Variants in STK3 observed in about 807,000 individuals in gnomAD.
STK3 encodes serine/threonine-protein kinase 3.
In STK3, 41 loss-of-function variants were observed where a neutral mutation model predicts 58.0. The ratio of observed to expected loss-of-function variants is 0.71; its 90% CI spans 0.55 to 0.92. The LOEUF (loss-of-function observed/expected upper bound fraction) is 0.92. Among genes scored for constraint, STK3 ranks in the 40% least tolerant of loss-of-function variants. The pLI is 0.00. For missense variants in STK3, 479 were observed against 602.7 expected (o/e 0.79, Z 2.15); for synonymous variants, 170 against 191.0 (o/e 0.89, Z 0.91).
At chr8:98,669,654 C>CA (rs1052114593) in intron 6 of STK3, among the ~76,000 whole-genome samples, 17 of 151,830 alleles carry the variant, frequency 1.1e-4, no homozygotes, top group African/African-American at 3.4e-4. Context: ...GGAAGTATCC[C>CA]AAAAAAAATC....
intron 10 of STK3, among the ~76,000 whole-genome samples, chr8:98,480,763 A>G (rs1318580650): frequency 1.3e-5 from 2 of 152,180 alleles, no homozygotes; most frequent in Admixed American, 6.5e-5. Flanking sequence ...CAGTGAAATC[A>G]AACAAAATTA....
chr8:98,708,118 G>A (rs1290049901), intron 4 of STK3, among the ~76,000 whole-genome samples: 11 of 149,408 alleles, frequency 7.4e-5, no homozygotes, highest in Non-Finnish European at 1.2e-4. Context: ...CAGCCTGGGC[G>A]ACACAGCGAG....
At chr8:98,446,096 TTTCTC>T (rs1298863462) in intron 1 of STK3, among the ~76,000 whole-genome samples, 1 of 152,384 alleles carries the variant, frequency 6.6e-6, no homozygotes, top group Admixed American at 6.5e-5. Context: ...CTAGACATTC[TTTCTC>T]ATCTCTGTCT....
At chr8:98,475,700 C>A (rs944495789) in intron 10 of STK3, among the ~76,000 whole-genome samples, 8 of 152,194 alleles carry the variant, frequency 5.3e-5, no homozygotes, top group Admixed American at 5.2e-4. Context: ...TAAAAGTCAG[C>A]ATCAAGTTTA....
intron 3 of STK3, among the ~76,000 whole-genome samples, chr8:98,839,688 C>T (rs1587732244): frequency 6.6e-6 from 1 of 152,192 alleles, no homozygotes; most frequent in East Asian, 1.9e-4. Flanking sequence ...AATACTTTTA[C>T]GTGGTTAATT....
the STK3 span, among the ~76,000 whole-genome samples, chr8:98,356,853 C>T: frequency 1.3e-5 from 2 of 152,200 alleles, no homozygotes; most frequent in Non-Finnish European, 1.5e-5. Flanking sequence ...CCAGAGCTGT[C>T]TGTTTTAGAT....
chr8:98,825,520 A>C lies in STK3; in HGVS notation c.21T>G (p.Pro7=), dbSNP rs1587712737. ...CCCGCTCCCCGATTCGTTACCTCTT[A>C]GGCGCCGGCGGCTGCTCCATGGCGG... MEQPPA[P]KSKLKKLSED... The change falls in exon 1 of 11, where the codon CCT becomes CCG. Residue 7 remains proline, a synonymous_variant. Coordinates refer to ENST00000419617, the MANE Select transcript of STK3 (RefSeq NM_006281.4). 1 of 1,451,960 alleles carries C rather than the reference A, an allele frequency of 6.9e-7. No individual in the cohort carries two copies. Among genetic ancestry groups the C allele is most frequent in the Admixed American group, 2.5e-5 (1 of 39,754 alleles). 89.9% of individuals were successfully genotyped at this position (1,451,960 alleles called of 1,614,324 possible).
intron 1 of STK3, among the ~76,000 whole-genome samples, chr8:98,381,809 GGA>G (rs1817735516): frequency 6.6e-6 from 1 of 152,176 alleles, no homozygotes; most frequent in African/African-American, 2.4e-5. Flanking sequence ...CAGGCTCTGG[GGA>G]TGGTGCTTGC....
intron 10 of STK3, among the ~76,000 whole-genome samples, chr8:98,463,407 C>T (rs116543465): frequency 9.3e-4 from 141 of 151,236 alleles, no homozygotes; most frequent in African/African-American, 2.9e-3. Context: ...GTAAAAGATA[C>T]GCAAATTAAT....
the STK3 span, among the ~76,000 whole-genome samples, chr8:98,349,300 C>G: frequency 6.6e-6 from 1 of 152,252 alleles, no homozygotes; most frequent in African/African-American, 2.4e-5. Context: ...TGAAACTACT[C>G]TTTGACTCCA....
intron 1 of STK3, among the ~76,000 whole-genome samples, chr8:98,791,764 T>C (rs942728833): frequency 5.3e-5 from 8 of 152,110 alleles, no homozygotes; most frequent in African/African-American, 1.9e-4. Flanking sequence ...ACAAGCCACA[T>C]GTAGGAGAAT....
intron 7 of STK3, among the ~76,000 whole-genome samples, chr8:98,589,717 T>G (rs1052407567): frequency 1.3e-5 from 2 of 152,216 alleles, no homozygotes; most frequent in African/African-American, 4.8e-5. Context: ...CCTTGCAGTT[T>G]GATCTCAGAC....
the STK3 span, among the ~76,000 whole-genome samples, chr8:98,362,033 G>T: frequency 5.9e-5 from 9 of 152,146 alleles, no homozygotes; most frequent in Admixed American, 6.5e-5. Context: ...GACTCCATTT[G>T]GTTGGATTCC....
intron 10 of STK3, among the ~76,000 whole-genome samples, chr8:98,520,022 T>G: frequency 6.6e-6 from 1 of 152,162 alleles, no homozygotes; most frequent in East Asian, 1.9e-4. Flanking sequence ...TTACCCAAAA[T>G]ATATCTATTT....
chr8:98,883,956 G>A (rs1837890959), intron 1 of STK3: 3 of 496,572 alleles, frequency 6.0e-6, no homozygotes, highest in African/African-American at 5.7e-5. Flanking sequence ...GAGAGCAAAG[G>A]AAGCAATTAA....
rs145209499 is a variant in STK3, at chr8:98,838,528, C to G, written c.110+45119G>C. Reference sequence around the variant, plus strand: ...AGGGCAATGAGGCCTAGAGCAGGAGCGAAAAAAGAGGAGAGGTAGATGCTT... The same window carrying G: ...AGGGCAATGAGGCCTAGAGCAGGAGGGAAAAAAGAGGAGAGGTAGATGCTT... On this transcript the variant is annotated intron_variant, in intron 3 of 12. Transcript: ENST00000523601. Among the ~76,000 whole-genome samples the G allele has an allele frequency of 8.7e-3, 1,314 of 151,868 alleles. 12 individuals are homozygous for G. Among genetic ancestry groups the G allele is most frequent in the African/African-American group, 0.03 (1,237 of 41,408 alleles).
chr8:98,536,681 T>G (rs1187956985), intron 9 of STK3, among the ~76,000 whole-genome samples: 1 of 152,210 alleles, frequency 6.6e-6, no homozygotes, highest in Non-Finnish European at 1.5e-5. Flanking sequence ...CAGTGCCGGA[T>G]ACTCTGCTTT....
At chr8:98,786,374 G>A (rs898959018) in intron 1 of STK3, among the ~76,000 whole-genome samples, 5 of 152,062 alleles carry the variant, frequency 3.3e-5, no homozygotes, top group Non-Finnish European at 7.4e-5. Flanking sequence ...TAAAGAGACC[G>A]TGTCTTTCCA....
chr8:98,706,744 C>A, intron 5 of STK3, 110 bp from the exon 6 acceptor site: 1 of 1,214,616 alleles, frequency 8.2e-7, no homozygotes, highest in Non-Finnish European at 1.1e-6. Context: ...CAGATTATAT[C>A]AGAAATTGAC....
Sources: allele counts gnomAD v4.1 joint callset (sites outside exome capture counted in the v4.1 genomes callset), GRCh38; gene constraint gnomAD v4.1.1; transcripts MANE v1.5; gene names NCBI Gene and HGNC (gene_info 2026-07-23, HGNC 2026-07-21).